ANKRD31: variants seen among roughly 807,000 people sequenced by gnomAD.
The protein encoded by ANKRD31 is ankyrin repeat domain 31.
ANKRD31 carries 147 observed loss-of-function variants against 186.0 expected under a neutral mutation model. The ratio of observed to expected loss-of-function variants is 0.79; its 90% CI spans 0.69 to 0.91. The LOEUF (loss-of-function observed/expected upper bound fraction) is 0.91, where lower values mean the gene tolerates loss of function less well. Ranked by LOEUF, ANKRD31 falls within the 40% of genes least tolerant of loss-of-function variation. The probability of loss-of-function intolerance (pLI) is 0.00; values close to 1 mark genes in which losing one functional copy is unlikely to be tolerated. For synonymous variants in ANKRD31, 673 were observed against 736.4 expected (o/e 0.91, Z 1.39); for missense variants, 1,986 against 2,148.8 (o/e 0.92, Z 1.50).
At chr5:75,106,615 T>G (rs183064465) in intron 21 of ANKRD31, among the ~76,000 whole-genome samples, 13 of 152,072 alleles carry the variant, frequency 8.5e-5, no homozygotes, top group Non-Finnish European at 1.8e-4. Context: ...GTATTGAAAC[T>G]CCAATTGATC....
At chr5:75,196,805 C>T (rs1014055111) in intron 6 of ANKRD31, among the ~76,000 whole-genome samples, 2 of 152,176 alleles carry the variant, frequency 1.3e-5, no homozygotes, top group Non-Finnish European at 2.9e-5. Flanking sequence ...AAAAAACCCA[C>T]TAAACTTAAC....
chr5:75,104,320 T>C lies in ANKRD31; in HGVS notation c.5239A>G (p.Thr1747Ala). Reference protein sequence around the residue: ...DTIKKALNYSTAPKKKCIQIK... With the variant: ...DTIKKALNYSAAPKKKCIQIK... The stretch of plus-strand genomic sequence containing the variant: ...TGAATACATTTCTTTTTAGGAGCTG[T>C]ACTGTAGTTTAAAGCCTTTTTTATT... The change falls in exon 22 of 26, where the codon ACA becomes GCA. Residue 1747 changes from threonine to alanine, a missense_variant. By Grantham distance (58) the Thr-to-Ala change is moderately conservative. Transcript: ENST00000506364. 6.5e-7 allele frequency: 1 copy of C among 1,537,216 alleles called. No individual in the cohort carries two copies. Among genetic ancestry groups the C allele is most frequent in the African/African-American group, 1.4e-5 (1 of 73,166 alleles).
At chr5:75,188,749 T>C (rs1317331633) in intron 9 of ANKRD31, 101 bp from the exon 10 acceptor site, 2 of 1,010,288 alleles carry the variant, frequency 2.0e-6, no homozygotes, top group Non-Finnish European at 1.4e-6. Flanking sequence ...TTCACGAACA[T>C]AGGTAACAGG....
At chr5:75,211,345 T>C (rs1756633997) in intron 3 of ANKRD31, among the ~76,000 whole-genome samples, 1 of 152,250 alleles carries the variant, frequency 6.6e-6, no homozygotes, top group African/African-American at 2.4e-5. Context: ...GACTGAATAA[T>C]ATTCTACTGT....
intron 20 of ANKRD31, among the ~76,000 whole-genome samples, chr5:75,111,489 A>C (rs1035272500): frequency 3.3e-5 from 5 of 152,154 alleles, no homozygotes; most frequent in Admixed American, 6.5e-5. Flanking sequence ...CGAAAAGTAG[A>C]ATGTGCAAAA....
Position 75,143,854 on chromosome 5 carries a change from A to G in ANKRD31, c.3595+147T>C, listed in dbSNP as rs137883233. On this transcript the variant is annotated intron_variant, in intron 15 of 25. Coordinates refer to ENST00000506364, the MANE Select transcript of ANKRD31 (RefSeq NM_001372053.1). ...TGGATTATCAAGTGATGCCTTAACA[A>G]CAAATATTGCTGAAATAGTCATATA... The G allele has an allele frequency of 1.6e-3, 623 of 388,806 alleles. 10 individuals carry two copies. The East Asian group carries it at 0.022, about 14-fold the overall frequency. The allele number at this position is 388,806 out of a possible 1,614,324, so 24.1% of individuals were successfully genotyped here. A position where few individuals can be genotyped will look rare whatever the true frequency, so the allele number is the denominator to read the frequency against.
Position 75,154,303 on chromosome 5 carries a change from T to G in ANKRD31, c.1750A>C (p.Arg584=), listed in dbSNP as rs1395012974. 1 of 1,535,992 alleles carries G rather than the reference T, an allele frequency of 6.5e-7. No homozygotes were observed. The highest frequency in any genetic ancestry group is 2.5e-5 in the East Asian group (1 of 40,810). ...AAAGCACATTTTCCATCATCATTTC[T>G]AAATAATGGATCAGCTCCATTCAGA... The part of the protein sequence containing the change: ...LLLNGADPLF[R]NDDGKCALDE... Residue 584 remains arginine, a synonymous_variant, in exon 12 of 26, where the codon AGA becomes CGA. Transcript: ENST00000506364.
In ANKRD31 at chr5:75,235,945, G is replaced by A. The variant is rs1034399794; in HGVS notation, c.104+638C>T. 2.0e-5 allele frequency among the ~76,000 whole-genome samples: 3 copies of A among 152,324 alleles called. No homozygotes were observed. The South Asian group carries it at 6.2e-4, about 32-fold the overall frequency. On this transcript the variant is annotated intron_variant, in intron 1 of 25. Coordinates refer to ENST00000506364, the MANE Select transcript of ANKRD31 (RefSeq NM_001372053.1). ...GCAGGAGAATCCTGGAGAAGAGAGA[G>A]AGGGAAAGGAGAATGACCTAATTCT...
chr5:75,127,764 A>G (rs1749366930), intron 17 of ANKRD31, among the ~76,000 whole-genome samples: 1 of 152,344 alleles, frequency 6.6e-6, no homozygotes, highest in African/African-American at 2.4e-5. Context: ...GGCCATGAAC[A>G]CAATATATCA....
chr5:75,183,898 TAAA>T (rs746481572), intron 10 of ANKRD31, among the ~76,000 whole-genome samples: 1 of 151,710 alleles, frequency 6.6e-6, no homozygotes, highest in African/African-American at 2.4e-5. Flanking sequence ...ATCACAGGAA[TAAA>T]AAAAATCCCT....
At chr5:75,175,756 A>G (rs929443571) in intron 10 of ANKRD31, among the ~76,000 whole-genome samples, 1 of 152,050 alleles carries the variant, frequency 6.6e-6, no homozygotes, top group Non-Finnish European at 1.5e-5. Flanking sequence ...GTTGGGGTGG[A>G]GCCAAGATGG....
intron 22 of ANKRD31, among the ~76,000 whole-genome samples, chr5:75,098,349 T>C (rs1746508808): frequency 6.6e-6 from 1 of 152,204 alleles, no homozygotes; most frequent in African/African-American, 2.4e-5. Flanking sequence ...TAGTATACTT[T>C]GAACTCAGGT....
intron 10 of ANKRD31, among the ~76,000 whole-genome samples, chr5:75,183,178 T>C (rs1267234142): frequency 6.6e-6 from 1 of 152,230 alleles, no homozygotes; most frequent in East Asian, 1.9e-4. Flanking sequence ...TTTCAAAAGA[T>C]GCAGAAAAAG....
chr5:75,106,431 T>C (rs1264782076), intron 21 of ANKRD31, among the ~76,000 whole-genome samples: 5 of 151,812 alleles, frequency 3.3e-5, no homozygotes, highest in Non-Finnish European at 5.9e-5. Context: ...TATACATAAG[T>C]GAAAAAGTCA....
At chr5:75,223,077 C>G (rs1214461811) in intron 2 of ANKRD31, among the ~76,000 whole-genome samples, 1 of 152,166 alleles carries the variant, frequency 6.6e-6, no homozygotes, top group Admixed American at 6.5e-5. Context: ...AAAAGCATTC[C>G]TATTTCTTCA....
chr5:75,207,686 G>T (rs1413141201), intron 4 of ANKRD31, among the ~76,000 whole-genome samples: 1 of 151,990 alleles, frequency 6.6e-6, no homozygotes, highest in African/African-American at 2.4e-5. Context: ...TCCCAATTTT[G>T]TAGAAAGTAT....
rs1208385978 is a variant in ANKRD31 at position 75,192,811 on chromosome 5, C to T, written c.1299-35G>A. 2.3e-5 allele frequency: 33 copies of T among 1,432,824 alleles called. 1 individual carries two copies. The highest frequency in any genetic ancestry group is 4.5e-5 in the Admixed American group (2 of 44,818). 88.8% of individuals were successfully genotyped at this position (1,432,824 alleles called of 1,614,324 possible). ...CAACGTATTTTTTAAATGGCTATAACGGTTTTTGCAAACATTCACAGAGAA... is the reference window on the plus strand; with the variant it reads ...CAACGTATTTTTTAAATGGCTATAATGGTTTTTGCAAACATTCACAGAGAA... On this transcript the variant is annotated intron_variant, in intron 8 of 25. Transcript: ENST00000506364.
chr5:75,193,189 A>C (rs952343058), intron 8 of ANKRD31, 122 bp downstream of exon 8: 1 of 1,169,170 alleles, frequency 8.6e-7, no homozygotes, highest in South Asian at 1.7e-5. Flanking sequence ...AAAAGCAATA[A>C]TATAAAAAAT....
intron 19 of ANKRD31, among the ~76,000 whole-genome samples, chr5:75,115,299 A>T (rs1748125107): frequency 6.6e-6 from 1 of 151,860 alleles, no homozygotes; most frequent in Non-Finnish European, 1.5e-5. Flanking sequence ...TAAAACCATA[A>T]AAACCCTAGA....
Sources: gnomAD v4.1 joint callset for allele counts (sites outside exome capture counted in the v4.1 genomes callset) on GRCh38, gnomAD v4.1.1 for gene constraint, MANE v1.5 for transcripts, NCBI Gene and HGNC (gene_info 2026-07-23, HGNC 2026-07-21) for gene names.